GLG1: variants seen among roughly 807,000 people sequenced by gnomAD.
GLG1 encodes Golgi apparatus protein 1.
A neutral mutation model predicts 160.5 loss-of-function variants in GLG1; 38 were observed. The observed-to-expected ratio is 0.24, with a 90% CI of 0.18 to 0.31. The LOEUF (loss-of-function observed/expected upper bound fraction) is 0.31. Ranked by LOEUF, GLG1 falls within the 10% of genes least tolerant of loss-of-function variation. The pLI, the probability that GLG1 is intolerant of heterozygous loss-of-function variation, is 1.00. For synonymous variants in GLG1, 644 were observed against 543.4 expected, an observed-to-expected ratio of 1.19 and a Z score of -2.57; for missense variants, 1,373 against 1,505.2, an observed-to-expected ratio of 0.91 and a Z score of 1.45.
intron 1 of GLG1, among the ~76,000 whole-genome samples, chr16:74,541,245 A>G (rs1484116029): frequency 6.7e-6 from 1 of 148,330 alleles, no homozygotes; most frequent in Non-Finnish European, 1.5e-5. Context: ...AATCACTTGA[A>G]CCTGGGAGGC....
intron 1 of GLG1, among the ~76,000 whole-genome samples, chr16:74,545,463 G>A (rs2018019839): frequency 6.6e-6 from 1 of 152,184 alleles, no homozygotes; most frequent in African/African-American, 2.4e-5. Context: ...TTACCAGCAT[G>A]AGCCACACCA....
intron 2 of GLG1, among the ~76,000 whole-genome samples, chr16:74,518,978 T>A (rs1597299470): frequency 6.6e-6 from 1 of 152,064 alleles, no homozygotes; most frequent in African/African-American, 2.4e-5. Context: ...AGCAATCCCA[T>A]CACTAGGCAT....
Position 74,457,135 on chromosome 16 carries a change from C to G in GLG1, c.3266-380G>C, listed in dbSNP as rs182337754. ...ACAGGCTGGGCATAGTGGCTTATGC[C>G]TGTAATCCCAGCACTTTGGGAGGCC... On this transcript the variant is annotated intron_variant, in intron 24 of 25. Transcript: ENST00000422840. Among the ~76,000 whole-genome samples the G allele has an allele frequency of 2.6e-3, 399 of 152,314 alleles. 4 individuals are homozygous for G. Among genetic ancestry groups the G allele is most frequent in the African/African-American group, 9.2e-3 (382 of 41,552 alleles).
At chr16:74,576,248 AT>A (rs1379561185) in intron 1 of GLG1, among the ~76,000 whole-genome samples, 1 of 152,156 alleles carries the variant, frequency 6.6e-6, no homozygotes, top group Non-Finnish European at 1.5e-5. Flanking sequence ...ATACATACAC[AT>A]TTGGCCCTGG....
At chr16:74,491,264 T>C (rs1409886260) in intron 7 of GLG1, 49 bp from the exon 8 acceptor site, 3 of 1,294,294 alleles carry the variant, frequency 2.3e-6, no homozygotes, top group Non-Finnish European at 3.4e-6. Context: ...TGCTATGTAT[T>C]AGCATCAGAA....
intron 2 of GLG1, among the ~76,000 whole-genome samples, chr16:74,530,000 G>C (rs1005552962): frequency 6.6e-6 from 1 of 151,224 alleles, no homozygotes; most frequent in Admixed American, 6.6e-5. Context: ...TTAGTAGAGG[G>C]GTTTCACTAT....
chr16:74,490,596 C>G (rs911939076), intron 8 of GLG1, among the ~76,000 whole-genome samples: 1 of 152,136 alleles, frequency 6.6e-6, no homozygotes, highest in African/African-American at 2.4e-5. Flanking sequence ...CATATCAACT[C>G]TTTTTCAGCC....
At position 74,565,329 on chromosome 16, in the gene GLG1, AAAC is replaced by A. The variant is rs756908241; in HGVS notation, c.439-33179_439-33177del. ...AGGCAACAGAGCCACTCCATCTCAA[AAAC>A]AACAACAATAACAAAACAAAACTGA... On this transcript the variant is annotated intron_variant, in intron 1 of 25. Coordinates refer to ENST00000422840, the MANE Select transcript of GLG1 (RefSeq NM_001145667.2). 3.9e-4 allele frequency among the ~76,000 whole-genome samples: 59 copies of A among 152,162 alleles called. 1 individual carries two copies. The highest frequency in any genetic ancestry group is 6.2e-4 in the Non-Finnish European group (42 of 68,038).
chr16:74,463,225 G>T, intron 20 of GLG1, 131 bp downstream of exon 20: 1 of 833,904 alleles, frequency 1.2e-6, no homozygotes, highest in Non-Finnish European at 1.9e-6. Context: ...GGAAGGCCCT[G>T]CTTACACTCA....
chr16:74,568,486 C>T (rs1444072677), intron 1 of GLG1, among the ~76,000 whole-genome samples: 2 of 150,006 alleles, frequency 1.3e-5, no homozygotes, highest in Non-Finnish European at 2.9e-5. Context: ...GGCATGATCT[C>T]GGCTCACTGG....
intron 2 of GLG1, among the ~76,000 whole-genome samples, chr16:74,527,309 G>A (rs2017370674): frequency 7.1e-6 from 1 of 140,384 alleles, no homozygotes; most frequent in African/African-American, 2.6e-5. Context: ...GAGTGCAATG[G>A]CGCTATCTCG....
Position 74,503,638 on chromosome 16 carries a change from T to C in GLG1, c.667A>G (p.Met223Val). ...EYQCHQYITK[M>V]TAIIFSDYRL... ...TAATCACTAAAAATGATGGCCGTCA[T>C]CTTGGTAATGTACTGGTGACACTGA... The change falls in exon 4 of 26, where the codon ATG (methionine) becomes GTG (valine). Residue 223 changes from methionine to valine, a missense_variant. Physicochemically the swap from Met to Val is conservative, Grantham distance 21. Transcript: ENST00000422840. 2 of 1,612,758 alleles carry C rather than the reference T, an allele frequency of 1.2e-6. No homozygotes were observed. Among genetic ancestry groups the C allele is most frequent in the Non-Finnish European group, 1.7e-6 (2 of 1,178,726 alleles).
rs149893437 is a variant in GLG1 at position 74,589,102 on chromosome 16, A to C, written c.438+17555T>G. 8.6e-3 allele frequency among the ~76,000 whole-genome samples: 1,311 copies of C among 151,824 alleles called. 18 individuals are homozygous for C. The highest frequency in any genetic ancestry group is 0.029 in the African/African-American group (1,183 of 41,380). Reference sequence around the variant, plus strand: ...ACAAAAAGAACAACAACAACAACAAAAAATTAGACGGGCGTGGTGGCGTGC... The same window carrying C: ...ACAAAAAGAACAACAACAACAACAACAAATTAGACGGGCGTGGTGGCGTGC... On this transcript the variant is annotated intron_variant, in intron 1 of 25. Coordinates refer to ENST00000422840, the MANE Select transcript of GLG1 (RefSeq NM_001145667.2).
At position 74,492,537 on chromosome 16, in the gene GLG1, T is replaced by C. The variant is rs546354985; in HGVS notation, c.1234+420A>G. Among the ~76,000 whole-genome samples the C allele has an allele frequency of 4.2e-5, 6 of 142,032 alleles. No homozygotes were observed. The South Asian group carries it at 6.7e-4, about 16-fold the overall frequency. The allele number at this position is 142,032 out of a possible 152,430, so 93.2% of individuals were successfully genotyped here. A position where few individuals can be genotyped will look rare whatever the true frequency, so the allele number is the denominator to read the frequency against. On this transcript the variant is annotated intron_variant, in intron 7 of 25. Transcript: ENST00000422840. ...ATCTCTATTAAAAAAAAAAAAAAAT[T>C]GCTAGGTGCGGTGGCTCACACCTAT...
At chr16:74,471,738 C>T (rs74024666) in intron 14 of GLG1, among the ~76,000 whole-genome samples, 45 of 152,260 alleles carry the variant, frequency 3.0e-4, no homozygotes, top group African/African-American at 1.0e-3. Flanking sequence ...GCTAACAATT[C>T]CTAGGCTGAT....
At chr16:74,490,978 T>G in intron 8 of GLG1, 23 bp downstream of exon 8, 1 of 1,538,852 alleles carries the variant, frequency 6.5e-7, no homozygotes. Flanking sequence ...ACATTCAAAA[T>G]GGCAATAGCA....
intron 1 of GLG1, among the ~76,000 whole-genome samples, chr16:74,572,978 A>G (rs2018878786): frequency 1.3e-5 from 2 of 152,022 alleles, no homozygotes; most frequent in African/African-American, 2.4e-5. Context: ...ATTAGAGGAC[A>G]CTCAGTGGGT....
intron 1 of GLG1, among the ~76,000 whole-genome samples, chr16:74,606,370 A>C (rs1958565879): frequency 6.6e-6 from 1 of 152,226 alleles, no homozygotes; most frequent in South Asian, 2.1e-4. Flanking sequence ...CACAAAAGAC[A>C]GGAGCGAACA....
At position 74,448,399 on chromosome 16, in the gene GLG1, C is replaced by T. The variant is rs1228313338; in HGVS notation, c.*4768G>A. On this transcript the variant is annotated 3_prime_UTR_variant, in exon 26 of 26. Transcript: ENST00000422840. ...CCAGATGCTGCATTTTACAAAACCA[C>T]TTAGGTGCTGCCCAAATGGTGAGAA... 2 of 152,210 alleles carry T rather than the reference C, an allele frequency of 1.3e-5. No homozygotes were observed. The highest frequency in any genetic ancestry group is 2.9e-5 in the Non-Finnish European group (2 of 68,042). The allele number at this position is 152,210 out of a possible 1,614,324, so 9.4% of individuals were successfully genotyped here. A position where few individuals can be genotyped will look rare whatever the true frequency, so the allele number is the denominator to read the frequency against.
Sources: gnomAD v4.1 joint callset for allele counts (sites outside exome capture counted in the v4.1 genomes callset) on GRCh38, gnomAD v4.1.1 for gene constraint, MANE v1.5 for transcripts, NCBI Gene and HGNC (gene_info 2026-07-23, HGNC 2026-07-21) for gene names.